The following GOT1 variants were observed in gnomAD, a reference collection of about 807,000 sequenced individuals.
GOT1 encodes the protein glutamic-oxaloacetic transaminase 1.
Under a neutral mutation model 48.2 loss-of-function variants are expected in GOT1, and 25 were observed. That is an observed-to-expected ratio of 0.52 (90% CI 0.38 to 0.72). The LOEUF (loss-of-function observed/expected upper bound fraction) is 0.72. Ranked by LOEUF, GOT1 falls within the 30% of genes least tolerant of loss-of-function variation. The pLI, the probability that GOT1 is intolerant of heterozygous loss-of-function variation, is 0.00. For missense variants in GOT1, 380 were observed against 520.1 expected, an observed-to-expected ratio of 0.73 and a Z score of 2.62; for synonymous variants, 188 against 193.8, an observed-to-expected ratio of 0.97 and a Z score of 0.25.
intron 8 of GOT1, among the ~76,000 whole-genome samples, chr10:99,401,481 C>A (rs1055910212): frequency 1.3e-5 from 2 of 152,120 alleles, no homozygotes; most frequent in African/African-American, 4.8e-5. Context: ...TCCCTAGAGT[C>A]ACTGGGACAC....
chr10:99,426,002 A>G (rs1046042118), intron 1 of GOT1, among the ~76,000 whole-genome samples: 1 of 152,226 alleles, frequency 6.6e-6, no homozygotes, highest in African/African-American at 2.4e-5. Flanking sequence ...GCAACCCACA[A>G]AATAGATATT....
At chr10:99,404,980 C>A (rs2134097991) in intron 5 of GOT1, among the ~76,000 whole-genome samples, 1 of 152,256 alleles carries the variant, frequency 6.6e-6, no homozygotes, top group East Asian at 1.9e-4. Flanking sequence ...TGCCACCAAC[C>A]CGCCAACTCC....
intron 1 of GOT1, among the ~76,000 whole-genome samples, chr10:99,427,969 T>C (rs1037157427): frequency 7.2e-5 from 11 of 152,056 alleles, no homozygotes; most frequent in Non-Finnish European, 1.2e-4. Flanking sequence ...TGGTAAGGAG[T>C]TGGAGTTCCT....
At chr10:99,401,730 T>C (rs188419424) in intron 8 of GOT1, among the ~76,000 whole-genome samples, 1 of 152,038 alleles carries the variant, frequency 6.6e-6, no homozygotes, top group East Asian at 1.9e-4. Context: ...AGATGTGCCC[T>C]ACTGACAATT....
At chr10:99,428,452 G>A (rs1020677768) in intron 1 of GOT1, among the ~76,000 whole-genome samples, 4 of 151,974 alleles carry the variant, frequency 2.6e-5, no homozygotes, top group South Asian at 2.1e-4. Context: ...CCACCTCCCA[G>A]GTTCAAGCGA....
chr10:99,427,190 A>T (rs908807281), intron 1 of GOT1, among the ~76,000 whole-genome samples: 1 of 152,158 alleles, frequency 6.6e-6, no homozygotes, highest in Non-Finnish European at 1.5e-5. Flanking sequence ...TAAAATTATT[A>T]TCCTACGCTA....
intron 1 of GOT1, among the ~76,000 whole-genome samples, chr10:99,427,451 A>G (rs1332735967): frequency 1.3e-5 from 2 of 152,094 alleles, no homozygotes; most frequent in Non-Finnish European, 2.9e-5. Flanking sequence ...TTGTATTTTT[A>G]GTAGAGACGG....
chr10:99,419,284 G>T (rs770257049), intron 2 of GOT1, among the ~76,000 whole-genome samples: 4 of 152,190 alleles, frequency 2.6e-5, no homozygotes, highest in Non-Finnish European at 5.9e-5. Flanking sequence ...TTCCCAACTG[G>T]ACTAGTGCAA....
intron 1 of GOT1, among the ~76,000 whole-genome samples, chr10:99,427,124 A>G (rs575156150): frequency 4.0e-4 from 61 of 152,360 alleles, no homozygotes; most frequent in African/African-American, 1.2e-3. Context: ...TTTCATTTAT[A>G]TATCACATTT....
intron 2 of GOT1, among the ~76,000 whole-genome samples, chr10:99,416,399 C>A (rs1589940809): frequency 6.6e-6 from 1 of 152,146 alleles, no homozygotes; most frequent in East Asian, 1.9e-4. Context: ...TGTGAAGGAC[C>A]TCTTCAAGGA....
chr10:99,409,347 GC>G (rs111703319), intron 2 of GOT1, among the ~76,000 whole-genome samples: 18,119 of 151,970 alleles, frequency 0.12, 1,672 homozygotes, highest in East Asian at 0.3. Context: ...TGGTCAGGCT[GC>G]TCTCCAACTC....
In GOT1 at chr10:99,429,495, T is replaced by A. The variant is rs543615529; in HGVS notation, c.118+953A>T. Among the ~76,000 whole-genome samples, 4 of 152,280 alleles carry A rather than the reference T, an allele frequency of 2.6e-5. No homozygotes were observed. The South Asian group carries it at 8.3e-4, about 32-fold the overall frequency. On this transcript the variant is annotated intron_variant, in intron 1 of 8. Coordinates refer to ENST00000370508, the MANE Select transcript of GOT1 (RefSeq NM_002079.3). ...CAATTTCTAGTCCTTTTATTCTAAGTCTATTACCTAGCATAAGACTTTATC... is the reference window on the plus strand; with the variant it reads ...CAATTTCTAGTCCTTTTATTCTAAGACTATTACCTAGCATAAGACTTTATC...
chr10:99,419,723 T>C (rs2032943270), intron 2 of GOT1, among the ~76,000 whole-genome samples: 2 of 152,144 alleles, frequency 1.3e-5, no homozygotes, highest in South Asian at 4.1e-4. Flanking sequence ...CCAGCCACAG[T>C]ATGTTTTTAA....
intron 2 of GOT1, among the ~76,000 whole-genome samples, chr10:99,408,843 C>T (rs931535864): frequency 5.3e-5 from 8 of 152,050 alleles, no homozygotes; most frequent in Non-Finnish European, 1.0e-4. Context: ...ATCTATAAGT[C>T]GTTTTTTTAA....
At chr10:99,405,654 A>G (rs2032745753) in intron 5 of GOT1, 102 bp downstream of exon 5, 3 of 664,872 alleles carry the variant, frequency 4.5e-6, no homozygotes, top group Non-Finnish European at 8.2e-6. Flanking sequence ...ACTTTTCTCC[A>G]TTTTCCTAAT....
At chr10:99,415,240 T>C (rs1387801809) in intron 2 of GOT1, among the ~76,000 whole-genome samples, 2 of 151,714 alleles carry the variant, frequency 1.3e-5, no homozygotes, top group African/African-American at 2.4e-5. Flanking sequence ...ATAGACGCAA[T>C]AAAAAATGAT....
intron 2 of GOT1, 57 bp downstream of exon 2, chr10:99,420,567 C>G (rs1299056850): frequency 7.7e-7 from 1 of 1,304,342 alleles, no homozygotes; most frequent in East Asian, 2.3e-5. Context: ...ACTGTATTCT[C>G]AACATCTTTT....
intron 2 of GOT1, among the ~76,000 whole-genome samples, chr10:99,413,554 G>C (rs1230730179): frequency 6.6e-6 from 1 of 152,154 alleles, no homozygotes; most frequent in Non-Finnish European, 1.5e-5. Context: ...AACCTAGCAA[G>C]GCAGGCCAAC....
intron 2 of GOT1, among the ~76,000 whole-genome samples, chr10:99,409,211 C>A (rs1244725270): frequency 6.6e-6 from 1 of 152,018 alleles, no homozygotes; most frequent in African/African-American, 2.4e-5. Context: ...TGGCTTACTG[C>A]AACCTCCGCC....
Sources: allele counts gnomAD v4.1 joint callset (sites outside exome capture counted in the v4.1 genomes callset), GRCh38; gene constraint gnomAD v4.1.1; transcripts MANE v1.5; gene names NCBI Gene and HGNC (gene_info 2026-07-23, HGNC 2026-07-21).